Variants in CCDC88B observed in about 807,000 individuals in gnomAD.
CCDC88B encodes the protein coiled-coil and HOOK domain protein 88B, also known as coiled-coil domain-containing protein 88B.
A neutral mutation model predicts 183.7 loss-of-function variants in CCDC88B; 138 were observed. The ratio of observed to expected loss-of-function variants is 0.75; its 90% CI spans 0.65 to 0.87. The LOEUF is 0.87. Among genes scored for constraint, CCDC88B ranks in the 40% least tolerant of loss-of-function variants. CCDC88B has a pLI of 0.00. For synonymous variants in CCDC88B, 835 were observed against 867.5 expected (o/e 0.96, Z 0.66); for missense variants, 1,822 against 1,965.6 (o/e 0.93, Z 1.38).
In CCDC88B at chr11:64,346,446, T is replaced by A. The variant is rs976541534; in HGVS notation, c.2616+1289T>A. 2.2e-4 allele frequency among the ~76,000 whole-genome samples: 33 copies of A among 151,020 alleles called. 1 individual carries two copies. In the East Asian group the frequency reaches 6.2e-3, roughly 28 times the overall value. ...ACCACGCCTGGCTACTTTTTGTATT[T>A]TTTTTTTTTTTTGAGACGGAGTCTC... On this transcript the variant is annotated intron_variant, in intron 14 of 26. Coordinates refer to ENST00000356786, the MANE Select transcript of CCDC88B (RefSeq NM_032251.6).
intron 1 of CCDC88B, 131 bp from the exon 2 acceptor site, chr11:64,340,476 C>T (rs1453871544): frequency 2.1e-6 from 3 of 1,417,584 alleles, no homozygotes; most frequent in Non-Finnish European, 2.8e-6. Context: ...GTGTGGGGGG[C>T]TGTGGTGAGG....
rs778499620 is a variant in CCDC88B at position 64,343,230 on chromosome 11, G to A, written c.1114G>A (p.Glu372Lys). 1.3e-6 allele frequency: 2 copies of A among 1,546,286 alleles called. No homozygotes were observed. Among genetic ancestry groups the A allele is most frequent in the Non-Finnish European group, 1.7e-6 (2 of 1,145,802 alleles). ...GGAGGCGTCCAAGGCGCTGCTGGAA[G>A]AGCAGCTGGAGGCTGCCCGAGAGCG... ...VLEASKALLE[E>K]QLEAARERCA... is the part of the protein sequence containing the mutation. Residue 372 changes from glutamate to lysine, a missense_variant, in exon 11 of 27, where the codon GAG becomes AAG. Glu to Lys is a moderately conservative substitution (Grantham distance 56). Transcript: ENST00000356786.
intron 26 of CCDC88B, 111 bp from the exon 27 acceptor site, chr11:64,356,928 G>T: frequency 9.9e-7 from 1 of 1,012,050 alleles, no homozygotes; most frequent in Non-Finnish European, 1.5e-6. Flanking sequence ...GCTGGAAGCG[G>T]GGGGTATTGG....
At chr11:64,341,935 G>C in intron 7 of CCDC88B, 59 bp from the exon 8 acceptor site, 1 of 1,606,640 alleles carries the variant, frequency 6.2e-7, no homozygotes, top group Non-Finnish European at 8.5e-7. Context: ...TTGTGGTTGG[G>C]GGTCGATGTG....
chr11:64,342,842 A>T (rs1242914044), intron 10 of CCDC88B, 162 bp downstream of exon 10: 3 of 555,108 alleles, frequency 5.4e-6, no homozygotes, highest in Non-Finnish European at 7.9e-6. Flanking sequence ...CGTCTGGGAA[A>T]GGGCCTCCAG....
At position 64,352,888 on chromosome 11, in the gene CCDC88B, G is replaced by T; in HGVS notation, c.3500+1G>T. 1 of 1,579,894 alleles carries T rather than the reference G, an allele frequency of 6.3e-7. No homozygotes were observed. The highest frequency in any genetic ancestry group is 8.6e-7 in the Non-Finnish European group (1 of 1,164,344). ...GGAGGCTTCAGAGCGAGCACGACAG[G>T]TGCCGCCCCTGCCACAGCCTCTAGC... On this transcript the variant is annotated splice_donor_variant, in intron 20 of 26. Transcript: ENST00000356786. LOFTEE classifies it high-confidence loss of function.
chr11:64,356,919 C>T, intron 26 of CCDC88B, 120 bp from the exon 27 acceptor site: 1 of 941,496 alleles, frequency 1.1e-6, no homozygotes, highest in Non-Finnish European at 1.6e-6. Flanking sequence ...CGTGGTGCAG[C>T]TGGAAGCGGG....
chr11:64,354,346 C>T (rs1007818376), intron 24 of CCDC88B, among the ~76,000 whole-genome samples, 176 bp downstream of exon 24: 16 of 152,200 alleles, frequency 1.1e-4, no homozygotes, highest in African/African-American at 3.9e-4. Context: ...ACAGGGTCAC[C>T]CTTGGCCCAC....
At position 64,352,809 on chromosome 11, in the gene CCDC88B, G is replaced by A. The variant is rs750012401; in HGVS notation, c.3422G>A (p.Arg1141His). 8 of 1,613,210 alleles carry A rather than the reference G, an allele frequency of 5.0e-6. No homozygotes were observed. The highest frequency in any genetic ancestry group is 3.3e-4 in the Middle Eastern group (2 of 6,020). The change falls in exon 20 of 27, where the codon CGT (arginine) becomes CAT (histidine). Residue 1141 changes from arginine to histidine, a missense_variant. By Grantham distance (29) the Arg-to-His change is conservative (BLOSUM62 0). Coordinates refer to ENST00000356786, the MANE Select transcript of CCDC88B (RefSeq NM_032251.6). ...CAGGAGGTGGCCCTGCTGGCAGAGC[G>A]TGAACGCCTGATGCAAGATGGGCAT... ...EAQEVALLAE[R>H]ERLMQDGHRQ...
At chr11:64,354,561 C>T (rs571810522) in intron 24 of CCDC88B, among the ~76,000 whole-genome samples, 2 of 152,044 alleles carry the variant, frequency 1.3e-5, no homozygotes, top group African/African-American at 4.8e-5. Flanking sequence ...TGTCCTGCTG[C>T]CCCACTCATT....
chr11:64,342,868 TA>T lies in CCDC88B; in HGVS notation c.1062+189del, dbSNP rs2035935868. The T allele has an allele frequency of 1.2e-5, 4 of 325,132 alleles. No individual in the cohort carries two copies. In the South Asian group the frequency reaches 1.4e-4, roughly 11 times the overall value. The allele number at this position is 325,132 out of a possible 1,614,324, so 20.1% of individuals were successfully genotyped here. A position where few individuals can be genotyped will look rare whatever the true frequency, so the allele number is the denominator to read the frequency against. On this transcript the variant is annotated intron_variant, in intron 10 of 26. Transcript: ENST00000356786. ...GGGCCTCCAGAGGATGGGGCAGGTG[TA>T]GGGGAGTGGGGGGGCTGTGTAAGTG...
At chr11:64,340,856 G>C in intron 2 of CCDC88B, 51 bp from the exon 3 acceptor site, 1 of 1,536,306 alleles carries the variant, frequency 6.5e-7, no homozygotes, top group South Asian at 1.3e-5. Context: ...GGGACGGTGG[G>C]CGAGGCCTGT....
Position 64,351,541 on chromosome 11 carries a change from G to A in CCDC88B, c.3024G>A (p.Leu1008=). Residue 1008 remains leucine (L), a synonymous_variant, in exon 18 of 27, where the codon CTG becomes CTA. Transcript: ENST00000356786. Reference sequence around the variant, plus strand: ...AGCTGCAGCACCTGGAGGGGCAGCTGGGGAGCCTGCAGGGCCGTGCCCAGG... The same window carrying A: ...AGCTGCAGCACCTGGAGGGGCAGCTAGGGAGCCTGCAGGGCCGTGCCCAGG... The part of the protein sequence containing the change: ...QGQLQHLEGQ[L]GSLQGRAQEL... 1 of 1,572,904 alleles carries A rather than the reference G, an allele frequency of 6.4e-7. No individual in the cohort carries two copies. The highest frequency in any genetic ancestry group is 1.3e-5 in the African/African-American group (1 of 74,400).
chr11:64,352,244 C>T lies in CCDC88B; in HGVS notation c.3214C>T (p.Gln1072Ter). The change falls in exon 19 of 27, where the codon CAG becomes TAG. Residue 1072 changes from glutamine to a stop codon, truncating the protein, a stop_gained. Transcript: ENST00000356786. LOFTEE classifies it high-confidence loss of function. Reference protein sequence around the residue: ...QSQEETRGQQQALLRDHKALA... With the variant: ...QSQEETRGQQ ...CCAGGAGGAGACCCGCGGGCAGCAG[C>T]AGGCCCTGCTTCGGGACCACAAGGC... 1.2e-6 allele frequency: 2 copies of T among 1,607,694 alleles called. No homozygotes were observed. Among genetic ancestry groups the T allele is most frequent in the Non-Finnish European group, 8.5e-7 (1 of 1,177,154 alleles).
In CCDC88B at chr11:64,348,741, C is replaced by G. The variant is rs143124828; in HGVS notation, c.2617-590C>G. On this transcript the variant is annotated intron_variant, in intron 14 of 26. Coordinates refer to ENST00000356786, the MANE Select transcript of CCDC88B (RefSeq NM_032251.6). The stretch of plus-strand genomic sequence containing the variant: ...CCCATGTGGCAGAATGGTTTGGTCT[C>G]CCTCCCTCTGGGGCACACAGGCCAG... 270 of 471,658 alleles carry G rather than the reference C, an allele frequency of 5.7e-4. 1 individual carries two copies. The highest frequency in any genetic ancestry group is 3.8e-5 in the Non-Finnish European group (10 of 264,652). The allele number at this position is 471,658 out of a possible 1,614,324, so 29.2% of individuals were successfully genotyped here.
At position 64,347,589 on chromosome 11, in the gene CCDC88B, G is replaced by C. The variant is rs191711035; in HGVS notation, c.2617-1742G>C. On this transcript the variant is annotated intron_variant, in intron 14 of 26. Transcript: ENST00000356786. ...AGGCCCAGGGTAAGGGGGTTCTGGC[G>C]AATGTGAGAGGGAAGGTGAGAGACC... 2.9e-3 allele frequency among the ~76,000 whole-genome samples: 444 copies of C among 152,270 alleles called. 3 individuals carry two copies. Among genetic ancestry groups the C allele is most frequent in the African/African-American group, 0.01 (430 of 41,534 alleles).
At chr11:64,355,514 A>G in intron 25 of CCDC88B, 46 bp from the exon 26 acceptor site, 1 of 1,608,522 alleles carries the variant, frequency 6.2e-7, no homozygotes, top group Non-Finnish European at 8.5e-7. Context: ...AGCTCTGTCC[A>G]CTTCCGCACT....
At chr11:64,349,797 A>C in intron 16 of CCDC88B, 129 bp downstream of exon 16, 8 of 863,614 alleles carry the variant, frequency 9.3e-6, no homozygotes, top group Non-Finnish European at 1.3e-5. Context: ...CTCACTCCCC[A>C]TGTGGGGCCT....
At chr11:64,350,548 T>C (rs2036288736) in intron 16 of CCDC88B, 1 of 152,140 alleles carries the variant, frequency 6.6e-6, no homozygotes, top group South Asian at 2.1e-4. Flanking sequence ...TAGCTGGGCA[T>C]GGTAGTGGGC....
Sources: gnomAD v4.1 joint callset for allele counts (sites outside exome capture counted in the v4.1 genomes callset) on GRCh38, gnomAD v4.1.1 for gene constraint, MANE v1.5 for transcripts, NCBI Gene and HGNC (gene_info 2026-07-23, HGNC 2026-07-21) for gene names.